The following BICD1 variants were observed in gnomAD, a reference collection of about 807,000 sequenced individuals.
The protein encoded by BICD1 is BICD cargo adaptor 1, also known as protein bicaudal D homolog 1.
A neutral mutation model predicts 92.5 loss-of-function variants in BICD1; 35 were observed. The observed-to-expected ratio is 0.38, with a 90% CI of 0.29 to 0.50. The LOEUF is 0.50. Among genes scored for constraint, BICD1 ranks in the 20% least tolerant of loss-of-function variants. BICD1 has a pLI of 0.93. For synonymous variants in BICD1, 429 were observed against 465.1 expected (o/e 0.92, Z 1.00); for missense variants, 950 against 1,189.8 (o/e 0.80, Z 2.97).
At chr12:32,334,307 A>G (rs775171054) in intron 5 of BICD1, among the ~76,000 whole-genome samples, 42 of 152,300 alleles carry the variant, frequency 2.8e-4, no homozygotes, top group Non-Finnish European at 5.4e-4. Flanking sequence ...CTTCTAGGGC[A>G]ATTTAACCAC....
intron 1 of BICD1, among the ~76,000 whole-genome samples, chr12:32,128,084 A>C (rs1039440722): frequency 2.0e-5 from 3 of 151,960 alleles, no homozygotes; most frequent in African/African-American, 7.3e-5. Context: ...TTGTATTTTT[A>C]GTAGAGACAG....
intron 1 of BICD1, among the ~76,000 whole-genome samples, chr12:32,142,697 A>G (rs755086093): frequency 1.3e-5 from 2 of 152,166 alleles, no homozygotes; most frequent in African/African-American, 2.4e-5. Flanking sequence ...AAAAAATTTC[A>G]TCATTAAGAT....
intron 2 of BICD1, among the ~76,000 whole-genome samples, chr12:32,234,032 A>G (rs1312997906): frequency 6.6e-6 from 1 of 152,224 alleles, no homozygotes; most frequent in East Asian, 1.9e-4. Context: ...GAATTTTTAT[A>G]TATACCTCAA....
chr12:32,150,864 C>T (rs1943268178), intron 1 of BICD1, among the ~76,000 whole-genome samples: 1 of 152,136 alleles, frequency 6.6e-6, no homozygotes, highest in Admixed American at 6.5e-5. Context: ...AAAGAAGGCA[C>T]GTGAGACTCA....
At chr12:32,364,822 G>T (rs1215281278) in intron 8 of BICD1, among the ~76,000 whole-genome samples, 1 of 152,106 alleles carries the variant, frequency 6.6e-6, no homozygotes, top group Non-Finnish European at 1.5e-5. Flanking sequence ...GTGGTGGTGT[G>T]TGCCTGTGGT....
chr12:32,280,464 C>T (rs370898764), intron 2 of BICD1, among the ~76,000 whole-genome samples: 2 of 152,136 alleles, frequency 1.3e-5, no homozygotes, highest in Non-Finnish European at 2.9e-5. Flanking sequence ...GAGGGGGAAA[C>T]TAATGGAAGA....
At chr12:32,306,252 T>A in intron 4 of BICD1, 130 bp downstream of exon 4, 1 of 1,072,280 alleles carries the variant, frequency 9.3e-7, no homozygotes, top group Non-Finnish European at 1.3e-6. Flanking sequence ...TTTTCTTTTC[T>A]GTTCTTTTCG....
At chr12:32,117,733 CACATAT>C (rs1240048156) in intron 1 of BICD1, among the ~76,000 whole-genome samples, 18 of 127,566 alleles carry the variant, frequency 1.4e-4, no homozygotes, top group South Asian at 4.9e-4. Flanking sequence ...CACACACACA[CACATAT>C]ATATATATAT....
intron 4 of BICD1, among the ~76,000 whole-genome samples, chr12:32,314,774 T>C (rs887449515): frequency 2.1e-5 from 3 of 142,834 alleles, no homozygotes; most frequent in Non-Finnish European, 4.6e-5. Flanking sequence ...TTTTTTTTTT[T>C]AAAAGAGATG....
chr12:32,294,402 T>TCC (rs1424861520), intron 3 of BICD1, among the ~76,000 whole-genome samples: 1 of 152,168 alleles, frequency 6.6e-6, no homozygotes, highest in Non-Finnish European at 1.5e-5. Flanking sequence ...AGCTCTGTGT[T>TCC]CATTTATTTC....
intron 3 of BICD1, among the ~76,000 whole-genome samples, chr12:32,296,537 G>T (rs1417646086): frequency 3.3e-5 from 5 of 152,054 alleles, no homozygotes; most frequent in Non-Finnish European, 5.9e-5. Flanking sequence ...GATTATAGGT[G>T]TGAGCCACCA....
At chr12:32,120,069 A>G (rs1205320234) in intron 1 of BICD1, among the ~76,000 whole-genome samples, 1 of 152,212 alleles carries the variant, frequency 6.6e-6, no homozygotes, top group African/African-American at 2.4e-5. Flanking sequence ...TGTATTCTTG[A>G]GTACTGTTTA....
At chr12:32,284,738 A>C (rs1248472555) in intron 2 of BICD1, among the ~76,000 whole-genome samples, 1 of 152,148 alleles carries the variant, frequency 6.6e-6, no homozygotes, top group African/African-American at 2.4e-5. Flanking sequence ...TAAAAGTAGA[A>C]TTTCCTGCGG....
chr12:32,357,181 T>C (rs1939148740), intron 8 of BICD1, among the ~76,000 whole-genome samples: 1 of 151,878 alleles, frequency 6.6e-6, no homozygotes, highest in Admixed American at 6.6e-5. Flanking sequence ...CCGGATAATT[T>C]TTTGTATTTT....
At position 32,142,422 on chromosome 12, in the gene BICD1, AAAAAAAAAAC is replaced by A. The variant is rs1350912455; in HGVS notation, c.213+34885_213+34894del. Among the ~76,000 whole-genome samples the A allele has an allele frequency of 1.8e-3, 79 of 43,376 alleles. 1 individual carries two copies. Among genetic ancestry groups the A allele is most frequent in the African/African-American group, 8.5e-3 (76 of 8,994 alleles). 28.5% of individuals were successfully genotyped at this position (43,376 alleles called of 152,430 possible). On this transcript the variant is annotated intron_variant, in intron 1 of 9. Transcript: ENST00000652176. ...ACTCTGTCTAAAAAAAAAAAAAAAAAAAAAAAAAACAAAAAACCCCACCTATCTATCCTAT... is the reference window on the plus strand; with the variant it reads ...ACTCTGTCTAAAAAAAAAAAAAAAAAAAAAAACCCCACCTATCTATCCTAT...
chr12:32,267,255 T>A (rs1947022189), intron 2 of BICD1, among the ~76,000 whole-genome samples: 1 of 152,246 alleles, frequency 6.6e-6, no homozygotes. Context: ...TCCCTGCATA[T>A]GTACACAGTG....
chr12:32,289,233 C>T (rs1444939436), intron 2 of BICD1, among the ~76,000 whole-genome samples: 2 of 152,210 alleles, frequency 1.3e-5, no homozygotes, highest in Non-Finnish European at 2.9e-5. Flanking sequence ...CCCACTGCAC[C>T]ATACCCACAG....
chr12:32,265,153 G>C (rs1946956805), intron 2 of BICD1, among the ~76,000 whole-genome samples: 1 of 151,734 alleles, frequency 6.6e-6, no homozygotes, highest in African/African-American at 2.4e-5. Context: ...CCTCCAAGCA[G>C]AAGGCCCAGG....
chr12:32,193,235 TC>T (rs1944627987), intron 1 of BICD1, among the ~76,000 whole-genome samples: 2 of 152,190 alleles, frequency 1.3e-5, no homozygotes. Context: ...ACCAACCTGA[TC>T]AGTCAGCAGG....
Sources: gnomAD v4.1 joint callset for allele counts (sites outside exome capture counted in the v4.1 genomes callset) on GRCh38, gnomAD v4.1.1 for gene constraint, MANE v1.5 for transcripts, NCBI Gene and HGNC (gene_info 2026-07-23, HGNC 2026-07-21) for gene names.